Variants in ACTN1 observed in about 807,000 individuals in gnomAD.
ACTN1 encodes the protein actinin alpha 1, also known as alpha-actinin-1.
Under a neutral mutation model 119.6 loss-of-function variants are expected in ACTN1, and 30 were observed. The observed-to-expected ratio is 0.25, with a 90% CI of 0.19 to 0.34. ACTN1 has a LOEUF of 0.34. ACTN1 is among the 10% of genes least tolerant of loss of function. The pLI is 1.00. For missense variants in ACTN1, 764 were observed against 1,223.4 expected, an observed-to-expected ratio of 0.62 and a Z score of 5.60; for synonymous variants, 429 against 472.6, an observed-to-expected ratio of 0.91 and a Z score of 1.20.
intron 1 of ACTN1, among the ~76,000 whole-genome samples, chr14:68,945,671 C>A (rs73288978): frequency 6.6e-6 from 1 of 152,154 alleles, no homozygotes; most frequent in South Asian, 2.1e-4. Flanking sequence ...TCAGGAGAGA[C>A]GGGGAGGAGG....
At chr14:68,922,276 T>C (rs1169020204) in intron 2 of ACTN1, among the ~76,000 whole-genome samples, 1 of 152,158 alleles carries the variant, frequency 6.6e-6, no homozygotes, top group African/African-American at 2.4e-5. Context: ...GAGCAGCACC[T>C]CTCCAGGTGG....
intron 1 of ACTN1, among the ~76,000 whole-genome samples, chr14:68,952,606 C>A (rs540582185): frequency 3.9e-5 from 6 of 152,288 alleles, no homozygotes; most frequent in Non-Finnish European, 5.9e-5. Flanking sequence ...GCCCACCCCC[C>A]ATCCCTGCTG....
In ACTN1 at chr14:68,967,966, C is replaced by T. The variant is rs2036758443; in HGVS notation, c.105+10986G>A. ...TCATTTAGAAGCATTCCCAAATTCA[C>T]GCACCTTTTCGTCATGACACATTTG... On this transcript the variant is annotated intron_variant, in intron 1 of 21. Transcript: ENST00000394419. Among the ~76,000 whole-genome samples, 4 of 152,214 alleles carry T rather than the reference C, an allele frequency of 2.6e-5. No individual in the cohort carries two copies. In the South Asian group the frequency reaches 8.3e-4, roughly 32 times the overall value.
At chr14:68,901,566 G>A (rs970918286) in intron 8 of ACTN1, among the ~76,000 whole-genome samples, 1 of 152,138 alleles carries the variant, frequency 6.6e-6, no homozygotes, top group Non-Finnish European at 1.5e-5. Context: ...ATTTTAAAAC[G>A]GTCACTCAGA....
intron 8 of ACTN1, among the ~76,000 whole-genome samples, chr14:68,901,877 C>T (rs780094491): frequency 1.4e-4 from 21 of 152,230 alleles, no homozygotes; most frequent in Non-Finnish European, 2.6e-4. Context: ...CTCCCTTCCT[C>T]CCAGAGGTTC....
chr14:68,955,801 G>A (rs770917478), intron 1 of ACTN1, among the ~76,000 whole-genome samples: 3 of 152,194 alleles, frequency 2.0e-5, no homozygotes, highest in Admixed American at 6.5e-5. Flanking sequence ...ACCAGACCAC[G>A]TGCTCCAAAT....
At chr14:68,960,696 A>G (rs1370818291) in intron 1 of ACTN1, among the ~76,000 whole-genome samples, 2 of 151,982 alleles carry the variant, frequency 1.3e-5, no homozygotes, top group Middle Eastern at 3.4e-3. Flanking sequence ...GGATCACTTA[A>G]GGCCAGGAGT....
At position 68,912,232 on chromosome 14, in the gene ACTN1, A is replaced by G; in HGVS notation, c.351T>C (p.Asp117=). The change falls in exon 4 of 22, where the codon GAT becomes GAC. Residue 117 remains aspartate (D), a synonymous_variant. Coordinates refer to ENST00000394419, the MANE Select transcript of ACTN1 (RefSeq NM_001130004.2). Reference sequence around the variant, plus strand: ...TGCCCAGGGTCATCTTCACATTCCCATCCACGATTTCTACAGAAACAGCAG... The same window carrying G: ...TGCCCAGGGTCATCTTCACATTCCCGTCCACGATTTCTACAGAAACAGCAG... ...LVSIGAEEIV[D]GNVKMTLGMI... The G allele has an allele frequency of 1.2e-6, 2 of 1,614,080 alleles. No individual in the cohort carries two copies. The highest frequency in any genetic ancestry group is 2.2e-5 in the South Asian group (2 of 91,082).
chr14:68,902,989 G>A (rs2033437817), intron 7 of ACTN1, among the ~76,000 whole-genome samples: 1 of 152,062 alleles, frequency 6.6e-6, no homozygotes, highest in Admixed American at 6.5e-5. Flanking sequence ...TTATGAACTG[G>A]GTATCACATG....
At chr14:68,969,534 A>G (rs1470492870) in intron 1 of ACTN1, among the ~76,000 whole-genome samples, 1 of 152,168 alleles carries the variant, frequency 6.6e-6, no homozygotes, top group Non-Finnish European at 1.5e-5. Context: ...AAAGGGAGCC[A>G]CTCCTCTGCC....
rs1341255969 is a variant in ACTN1, at chr14:68,909,568, G to A, written c.516-172C>T. On this transcript the variant is annotated intron_variant, in intron 5 of 21. Transcript: ENST00000394419. The surrounding 1 kb of genome is among the most constrained non-coding windows in gnomAD (Gnocchi z 4.1). The stretch of plus-strand genomic sequence containing the variant: ...ACATTTCTTCCTGCCACAAATCCCA[G>A]GCACTAGGGTCAAGACTTTGTGGGG... Among the ~76,000 whole-genome samples the A allele has an allele frequency of 6.6e-6, 1 of 152,166 alleles. No individual in the cohort carries two copies. Among genetic ancestry groups the A allele is most frequent in the East Asian group, 1.9e-4 (1 of 5,198 alleles).
intron 3 of ACTN1, among the ~76,000 whole-genome samples, chr14:68,916,093 T>C (rs1322123738): frequency 6.6e-5 from 10 of 152,192 alleles, no homozygotes; most frequent in Non-Finnish European, 1.3e-4. Flanking sequence ...TTTTTTAGCA[T>C]GGGAAGTGGG....
At chr14:68,893,543 G>T in intron 9 of ACTN1, 112 bp downstream of exon 9, 2 of 1,059,238 alleles carry the variant, frequency 1.9e-6, no homozygotes, top group Non-Finnish European at 2.8e-6. Context: ...GCAGTATTGG[G>T]ATCAGAGACT....
At chr14:68,875,524 G>A (rs2030796893) in intron 21 of ACTN1, among the ~76,000 whole-genome samples, 1 of 152,248 alleles carries the variant, frequency 6.6e-6, no homozygotes, top group Non-Finnish European at 1.5e-5. Context: ...AAGCAGCTTT[G>A]CAGAAATGCG....
At chr14:68,970,483 C>G (rs1179825899) in intron 1 of ACTN1, among the ~76,000 whole-genome samples, 1 of 152,220 alleles carries the variant, frequency 6.6e-6, no homozygotes, top group African/African-American at 2.4e-5. Context: ...CTGCCTGGTT[C>G]AAAGCCTGTT....
chr14:68,897,853 T>C (rs1338884649), intron 8 of ACTN1, among the ~76,000 whole-genome samples: 2 of 152,226 alleles, frequency 1.3e-5, no homozygotes, highest in Admixed American at 6.5e-5. Flanking sequence ...AACTGGCCCC[T>C]TTCCTCAGGC....
chr14:68,963,555 A>G (rs1187202893), intron 1 of ACTN1, among the ~76,000 whole-genome samples: 1 of 152,178 alleles, frequency 6.6e-6, no homozygotes, highest in African/African-American at 2.4e-5. Context: ...AATCTCACGT[A>G]TCCAGCTGAA....
intron 6 of ACTN1, among the ~76,000 whole-genome samples, chr14:68,906,921 C>G (rs1566623751): frequency 6.6e-6 from 1 of 151,260 alleles, no homozygotes; most frequent in Non-Finnish European, 1.5e-5. Context: ...GCCAGAAGTT[C>G]GAGACCAGCC....
intron 1 of ACTN1, chr14:68,977,969 G>A (rs914735554): frequency 2.0e-5 from 9 of 455,974 alleles, no homozygotes; most frequent in Non-Finnish European, 3.1e-5. Context: ...AGGAAGCAGC[G>A]GTAGGGTTGA....
Sources: gnomAD v4.1 joint callset for allele counts (sites outside exome capture counted in the v4.1 genomes callset) on GRCh38, gnomAD v4.1.1 for gene constraint, Gnocchi (gnomAD v3.1) non-coding constraint, MANE v1.5 for transcripts, NCBI Gene and HGNC (gene_info 2026-07-23, HGNC 2026-07-21) for gene names.